Variants in MYH4 observed in about 807,000 individuals in gnomAD.
MYH4 encodes the protein myosin heavy chain 4, also known as myosin-4.
Under a neutral mutation model 229.9 loss-of-function variants are expected in MYH4, and 200 were observed. That is an observed-to-expected ratio of 0.87 (90% CI 0.78 to 0.98). The LOEUF (loss-of-function observed/expected upper bound fraction) is 0.98, where lower values mean the gene tolerates loss of function less well. Ranked by LOEUF, MYH4 falls within the 50% of genes least tolerant of loss-of-function variation. The pLI, the probability that MYH4 is intolerant of heterozygous loss-of-function variation, is 0.00. For missense variants in MYH4, 2,148 were observed against 2,332.6 expected, an observed-to-expected ratio of 0.92 and a Z score of 1.63; for synonymous variants, 761 against 834.6, an observed-to-expected ratio of 0.91 and a Z score of 1.52.
rs143170467 is a variant in MYH4, at chr17:10,448,406, T to G, written c.4646A>C (p.Glu1549Ala). ...HEKSELQTSL[E>A]EAEASLEHEE... ...AAATGAAAAATGTACCTCTGCTTCC[T>G]CTAGGGAAGTCTGTAGTTCACTCTT... Residue 1549 changes from glutamate (E) to alanine (A), a missense_variant, in exon 33 of 40, where the codon GAG becomes GCG. Coordinates refer to ENST00000255381, the MANE Select transcript of MYH4 (RefSeq NM_017533.2). 4.2e-5 allele frequency: 68 copies of G among 1,612,260 alleles called. No homozygotes were observed. In the African/African-American group the frequency reaches 8.3e-4, roughly 20 times the overall value.
In MYH4 at chr17:10,465,620, C is replaced by T. The variant is rs887522594; in HGVS notation, c.349-22G>A. The T allele has an allele frequency of 2.5e-6, 4 of 1,613,908 alleles. No individual in the cohort carries two copies. The African/African-American group carries it at 5.3e-5, about 22-fold the overall frequency. ...AGGTCTGTGGGAAAGGACGGGGTTC[C>T]TCGATCAGCAATCACCTTGTTTATC... On this transcript the variant is annotated intron_variant, in intron 4 of 39. Coordinates refer to ENST00000255381, the MANE Select transcript of MYH4 (RefSeq NM_017533.2).
At position 10,463,187 on chromosome 17, in the gene MYH4, A is replaced by T. The variant is rs1245564467; in HGVS notation, c.807T>A (p.Tyr269Ter). Reference sequence around the variant, plus strand: ...AAGTAACTCGGGACTTCTCTAGCAGATCTGGAAGTCAGATTAAGCTCATTT... The same window carrying T: ...AAGTAACTCGGGACTTCTCTAGCAGTTCTGGAAGTCAGATTAAGCTCATTT... The part of the protein sequence containing the change: ...GKLASADIET[Y>*]LLEKSRVTFQ... The change falls in exon 10 of 40, where the codon TAT (tyrosine) becomes TAA (stop). Residue 269 changes from tyrosine to a stop codon, truncating the protein, a stop_gained and splice_region_variant. Coordinates refer to ENST00000255381, the MANE Select transcript of MYH4 (RefSeq NM_017533.2). LOFTEE classifies it high-confidence loss of function. The T allele has an allele frequency of 2.5e-6, 4 of 1,610,258 alleles. No individual in the cohort carries two copies. The highest frequency in any genetic ancestry group is 1.3e-5 in the African/African-American group (1 of 74,798).
intron 22 of MYH4, 32 bp from the exon 23 acceptor site, chr17:10,453,917 C>T: frequency 6.2e-7 from 1 of 1,612,352 alleles, no homozygotes; most frequent in Non-Finnish European, 8.5e-7. Flanking sequence ...TTTCATTTGT[C>T]TGAGCTATAT....
Position 10,452,775 on chromosome 17 carries a change from T to C in MYH4, c.3257+12A>G. 1 of 1,597,712 alleles carries C rather than the reference T, an allele frequency of 6.3e-7. No individual in the cohort carries two copies. Among genetic ancestry groups the C allele is most frequent in the Non-Finnish European group, 8.5e-7 (1 of 1,176,144 alleles). ...CAACAAGCAGGTTATAGCTGAATTA[T>C]ACCATACTTACTTTTTGAGTTTCTC... On this transcript the variant is annotated intron_variant, in intron 25 of 39. Coordinates refer to ENST00000255381, the MANE Select transcript of MYH4 (RefSeq NM_017533.2).
Position 10,445,017 on chromosome 17 carries a change from G to T in MYH4, c.5425C>A (p.Leu1809Met), listed in dbSNP as rs1480463853. 1 of 1,613,950 alleles carries T rather than the reference G, an allele frequency of 6.2e-7. No individual in the cohort carries two copies. The highest frequency in any genetic ancestry group is 1.3e-5 in the African/African-American group (1 of 74,906). The change falls in exon 37 of 40, where the codon CTG becomes ATG. Residue 1809 changes from leucine to methionine, a missense_variant. Transcript: ENST00000255381. ...LRLDEAEQLA[L>M]KGGKKQIQKL... Reference sequence around the variant, plus strand: ...TGGATCTGCTTCTTCCCACCCTTCAGCGCCAGCTGCTCAGCCTCATCCAGA... The same window carrying T: ...TGGATCTGCTTCTTCCCACCCTTCATCGCCAGCTGCTCAGCCTCATCCAGA...
Position 10,445,163 on chromosome 17 carries a change from T to G in MYH4, c.5296-17A>C. On this transcript the variant is annotated splice_polypyrimidine_tract_variant and intron_variant, in intron 36 of 39. Coordinates refer to ENST00000255381, the MANE Select transcript of MYH4 (RefSeq NM_017533.2). ...CATGGCAGCCTAGTTAGCAAATAAA[T>G]TTTGAAAATAATGAATTCTGATGAT... 6.2e-7 allele frequency: 1 copy of G among 1,614,166 alleles called. No homozygotes were observed.
rs747031704 is a variant in MYH4 at position 10,456,439 on chromosome 17, GT to G, written c.1968+45del. 63 of 1,504,132 alleles carry G rather than the reference GT, an allele frequency of 4.2e-5. No homozygotes were observed. The Admixed American group carries it at 1.1e-3, about 26-fold the overall frequency. 93.2% of individuals were successfully genotyped at this position (1,504,132 alleles called of 1,614,324 possible). On this transcript the variant is annotated intron_variant, in intron 17 of 39. Coordinates refer to ENST00000255381, the MANE Select transcript of MYH4 (RefSeq NM_017533.2). ...AAAAATTTTCTGTTTTGATGGTTTA[GT>G]TTTTTAATGAAAGTATTTATCTGTA...
intron 15 of MYH4, 28 bp from the exon 16 acceptor site, chr17:10,457,757 T>A (rs746822799): frequency 1.3e-6 from 2 of 1,595,648 alleles, no homozygotes; most frequent in South Asian, 2.2e-5. Flanking sequence ...GGGATGATAA[T>A]GATGAGTCCC....
rs771592232 is a variant in MYH4, at chr17:10,450,153, A to T, written c.4181+300T>A. On this transcript the variant is annotated intron_variant, in intron 30 of 39. Transcript: ENST00000255381. The stretch of plus-strand genomic sequence containing the variant: ...AATGTCTCAATTTTTCCTTCTATTA[A>T]AAGATACTAATTCTATTTAATTCAT... Among the ~76,000 whole-genome samples the T allele has an allele frequency of 1.8e-4, 27 of 152,200 alleles. 1 individual carries two copies. Among genetic ancestry groups the T allele is most frequent in the Non-Finnish European group, 3.5e-4 (24 of 68,038 alleles).
rs199637077 is a variant in MYH4, at chr17:10,450,574, C to T, written c.4060G>A (p.Glu1354Lys). 2 of 1,614,200 alleles carry T rather than the reference C, an allele frequency of 1.2e-6. No individual in the cohort carries two copies. The highest frequency in any genetic ancestry group is 1.1e-5 in the South Asian group (1 of 91,090). ...CDLLREQYEEEQEAKAELQRG... is the reference protein window; with the variant it reads ...CDLLREQYEEKQEAKAELQRG... ...TGCAGCTCAGCCTTGGCTTCCTGCTCCTCCTCATACTGTTCCCGCAGCAGG... is the reference window on the plus strand; with the variant it reads ...TGCAGCTCAGCCTTGGCTTCCTGCTTCTCCTCATACTGTTCCCGCAGCAGG... The change falls in exon 30 of 40, where the codon GAG (glutamate) becomes AAG (lysine). Residue 1354 changes from glutamate (E) to lysine (K), a missense_variant. Physicochemically the swap from Glu to Lys is moderately conservative, Grantham distance 56. Transcript: ENST00000255381.
chr17:10,469,102 T>C (rs1161221061), intron 2 of MYH4, among the ~76,000 whole-genome samples, 186 bp downstream of exon 2: 1 of 61,208 alleles, frequency 1.6e-5, no homozygotes, highest in Non-Finnish European at 3.6e-5. Flanking sequence ...AAAGAGAAGT[T>C]TCATTAAGTT....
rs776919337 is a variant in MYH4, at chr17:10,452,528, A to C, written c.3258-22T>G. On this transcript the variant is annotated intron_variant, in intron 25 of 39. Coordinates refer to ENST00000255381, the MANE Select transcript of MYH4 (RefSeq NM_017533.2). ...TTTCCTATTAGAAGAGCAACACATTAGCTTATAATCACTTCTCTTACCAAT... is the reference window on the plus strand; with the variant it reads ...TTTCCTATTAGAAGAGCAACACATTCGCTTATAATCACTTCTCTTACCAAT... 3.7e-6 allele frequency: 6 copies of C among 1,603,038 alleles called. No homozygotes were observed. The East Asian group carries it at 1.3e-4, about 36-fold the overall frequency.
In MYH4 at chr17:10,465,598, T is replaced by C; in HGVS notation, c.349A>G (p.Thr117Ala). Residue 117 changes from threonine to alanine, a missense_variant and splice_region_variant, in exon 5 of 40, where the codon ACC becomes GCC. Thr to Ala is a moderately conservative substitution (Grantham distance 58, BLOSUM62 0). Transcript: ENST00000255381. ...GTGACACAGAAGAGGCCCGAGTAGGTCTGTGGGAAAGGACGGGGTTCCTCG... is the reference window on the plus strand; with the variant it reads ...GTGACACAGAAGAGGCCCGAGTAGGCCTGTGGGAAAGGACGGGGTTCCTCG... Reference protein sequence around the residue: ...KERYAAWMIYTYSGLFCVTVN... With the variant: ...KERYAAWMIYAYSGLFCVTVN... 1 of 1,613,954 alleles carries C rather than the reference T, an allele frequency of 6.2e-7. No individual in the cohort carries two copies. Among genetic ancestry groups the C allele is most frequent in the Non-Finnish European group, 8.5e-7 (1 of 1,179,972 alleles).
At chr17:10,455,762 G>C in intron 18 of MYH4, 31 bp from the exon 19 acceptor site, 1 of 1,614,112 alleles carries the variant, frequency 6.2e-7, no homozygotes, top group African/African-American at 1.3e-5. Flanking sequence ...GCCATACTTC[G>C]TGGTCTATCG....
chr17:10,443,372 G>A lies in MYH4; in HGVS notation c.*3C>T. On this transcript the variant is annotated 3_prime_UTR_variant, in exon 40 of 40. Coordinates refer to ENST00000255381, the MANE Select transcript of MYH4 (RefSeq NM_017533.2). The surrounding 1 kb of genome is among the most constrained non-coding windows in gnomAD (Gnocchi z 4.6). ...TGGTCACATTTTCTTTCATTAGAATGAATTACTCTTCACTTATGACTTTTG... is the reference window on the plus strand; with the variant it reads ...TGGTCACATTTTCTTTCATTAGAATAAATTACTCTTCACTTATGACTTTTG... 1.2e-6 allele frequency: 2 copies of A among 1,613,522 alleles called. No individual in the cohort carries two copies. The highest frequency in any genetic ancestry group is 1.7e-6 in the Non-Finnish European group (2 of 1,179,832).
At chr17:10,453,565 C>A in intron 23 of MYH4, 78 bp downstream of exon 23, 2 of 1,601,254 alleles carry the variant, frequency 1.2e-6, no homozygotes, top group Non-Finnish European at 1.7e-6. Context: ...ATTCAATCAT[C>A]TTAAGATTAA....
Position 10,457,509 on chromosome 17 carries a change from G to T in MYH4, c.1808C>A (p.Pro603His). ...IAGWLDKNKD[P>H]LNETVVGLYQ... Reference sequence around the variant, plus strand: ...CAGCCCCACCACAGTCTCATTCAGGGGGTCCTTGTTTTTGTCCAGCCAGCC... The same window carrying T: ...CAGCCCCACCACAGTCTCATTCAGGTGGTCCTTGTTTTTGTCCAGCCAGCC... The change falls in exon 16 of 40, where the codon CCC (proline) becomes CAC (histidine). Residue 603 changes from proline to histidine, a missense_variant. Physicochemically the swap from Pro to His is moderately conservative, Grantham distance 77. Transcript: ENST00000255381. 6.2e-7 allele frequency: 1 copy of T among 1,614,214 alleles called. No individual in the cohort carries two copies. The highest frequency in any genetic ancestry group is 1.1e-5 in the South Asian group (1 of 91,076).
chr17:10,454,713 T>C lies in MYH4; in HGVS notation c.2533A>G (p.Lys845Glu), dbSNP rs2072618228. ...ATCTCCTTCTCTGTCTCTGCACTCTTGAGGAGGGGCTTGATCTTGAAATAC... is the reference window on the plus strand; with the variant it reads ...ATCTCCTTCTCTGTCTCTGCACTCTCGAGGAGGGGCTTGATCTTGAAATAC... ...KLYFKIKPLL[K>E]SAETEKEMAN... is the part of the protein sequence containing the mutation. Residue 845 changes from lysine (K) to glutamate (E), a missense_variant, in exon 22 of 40, where the codon AAG becomes GAG. Coordinates refer to ENST00000255381, the MANE Select transcript of MYH4 (RefSeq NM_017533.2). The C allele has an allele frequency of 2.5e-6, 4 of 1,614,208 alleles. No individual in the cohort carries two copies. The highest frequency in any genetic ancestry group is 2.5e-6 in the Non-Finnish European group (3 of 1,180,036).
chr17:10,456,527 T>A lies in MYH4; in HGVS notation c.1926A>T (p.Lys642Asn). 2 of 1,614,034 alleles carry A rather than the reference T, an allele frequency of 1.2e-6. No individual in the cohort carries two copies. Among genetic ancestry groups the A allele is most frequent in the African/African-American group, 2.7e-5 (2 of 75,040 alleles). Residue 642 changes from lysine to asparagine, a missense_variant, in exon 17 of 40, where the codon AAA (lysine) becomes AAT (asparagine). By Grantham distance (94) the Lys-to-Asn change is moderately conservative. Coordinates refer to ENST00000255381, the MANE Select transcript of MYH4 (RefSeq NM_017533.2). ...AEGGGGKKGG[K>N]KKGSSFQTVS... The stretch of plus-strand genomic sequence containing the variant: ...CTGTCTGGAAAGAAGAACCCTTCTT[T>A]TTGCCACCTTTCTTTCCACCACCAC...
Sources: allele counts gnomAD v4.1 joint callset (sites outside exome capture counted in the v4.1 genomes callset), GRCh38; gene constraint gnomAD v4.1.1; non-coding constraint Gnocchi (gnomAD v3.1); transcripts MANE v1.5; gene names NCBI Gene and HGNC (gene_info 2026-07-23, HGNC 2026-07-21).